The following FAR2 variants were observed in gnomAD, a reference collection of about 807,000 sequenced individuals.
FAR2 encodes the protein fatty acyl-CoA reductase 2.
FAR2 carries 19 observed loss-of-function variants against 56.0 expected under a neutral mutation model. That is an observed-to-expected ratio of 0.34 (90% confidence interval 0.24 to 0.50). The LOEUF (loss-of-function observed/expected upper bound fraction) is 0.50. Among genes scored for constraint, FAR2 ranks in the 20% least tolerant of loss-of-function variants. The pLI is 0.98. For missense variants in FAR2, 508 were observed against 642.2 expected (o/e 0.79, Z 2.26); for synonymous variants, 219 against 218.8 (o/e 1.00, Z -0.01).
chr12:29,251,338 C>G (rs1676195666), intron 1 of FAR2, among the ~76,000 whole-genome samples: 2 of 152,188 alleles, frequency 1.3e-5, no homozygotes, highest in Admixed American at 6.5e-5. Context: ...TTCTCCCAGA[C>G]TTCCCCAAAG....
At chr12:29,322,935 C>T (rs1008199609) in intron 10 of FAR2, among the ~76,000 whole-genome samples, 1 of 152,202 alleles carries the variant, frequency 6.6e-6, no homozygotes, top group Non-Finnish European at 1.5e-5. Flanking sequence ...GCACTTCACC[C>T]ACTGTCCTGC....
chr12:29,191,582 G>C (rs766330640), intron 1 of FAR2, among the ~76,000 whole-genome samples: 1 of 152,188 alleles, frequency 6.6e-6, no homozygotes, highest in Non-Finnish European at 1.5e-5. Context: ...ACTTGTACTT[G>C]ACAGAAACAC....
chr12:29,307,412 C>CCTAT (rs1949269498), intron 4 of FAR2, among the ~76,000 whole-genome samples: 1 of 112,012 alleles, frequency 8.9e-6, no homozygotes, highest in Non-Finnish European at 2.0e-5. Context: ...TGCCTGCCTA[C>CCTAT]CTACCTACCT....
At chr12:29,301,067 A>G (rs1949156169) in intron 4 of FAR2, among the ~76,000 whole-genome samples, 1 of 152,170 alleles carries the variant, frequency 6.6e-6, no homozygotes, top group Non-Finnish European at 1.5e-5. Flanking sequence ...TGAGACTGTC[A>G]GGCCTGAGCT....
intron 4 of FAR2, among the ~76,000 whole-genome samples, chr12:29,301,479 C>A (rs543709453): frequency 6.6e-6 from 1 of 152,276 alleles, no homozygotes; most frequent in South Asian, 2.1e-4. Context: ...TTAAAATGCA[C>A]ATAACTGACC....
chr12:29,214,381 A>G (rs1310689685), intron 1 of FAR2, among the ~76,000 whole-genome samples: 1 of 152,234 alleles, frequency 6.6e-6, no homozygotes, highest in East Asian at 1.9e-4. Context: ...TGTGCCAGAA[A>G]GTGTTCTAAT....
At chr12:29,293,077 G>A (rs1466850989) in intron 2 of FAR2, 2 of 357,346 alleles carry the variant, frequency 5.6e-6, no homozygotes, top group East Asian at 4.8e-5. Context: ...ATGTTGCGCA[G>A]GCTGGTGTCG....
At chr12:29,313,641 G>A (rs1218798456) in intron 8 of FAR2, among the ~76,000 whole-genome samples, 3 of 151,964 alleles carry the variant, frequency 2.0e-5, no homozygotes, top group Non-Finnish European at 1.5e-5. Flanking sequence ...ATCAGTTTTA[G>A]TAAATTATAT....
intron 2 of FAR2, among the ~76,000 whole-genome samples, chr12:29,290,614 A>G (rs1196770243): frequency 6.6e-6 from 1 of 152,236 alleles, no homozygotes; most frequent in Non-Finnish European, 1.5e-5. Flanking sequence ...GTCCATCAAT[A>G]GATGAATGGA....
intron 1 of FAR2, among the ~76,000 whole-genome samples, chr12:29,247,572 AT>A (rs1167326264): frequency 5.9e-5 from 9 of 152,184 alleles, no homozygotes; most frequent in African/African-American, 2.2e-4. Flanking sequence ...CATTTAAACT[AT>A]TTTGTTTCCA....
chr12:29,262,562 A>G (rs7302399), intron 1 of FAR2, among the ~76,000 whole-genome samples: 85,379 of 152,158 alleles, frequency 0.56, 24,526 homozygotes, highest in African/African-American at 0.67. Flanking sequence ...CCCGGGAAGC[A>G]GAGGTTGTGG....
chr12:29,263,972 C>T (rs1226338421), intron 1 of FAR2, among the ~76,000 whole-genome samples: 1 of 151,932 alleles, frequency 6.6e-6, no homozygotes, highest in Non-Finnish European at 1.5e-5. Context: ...ACCAGTATTA[C>T]CCTGATACCA....
chr12:29,311,845 T>G (rs766901207), intron 7 of FAR2, 38 bp from the exon 8 acceptor site: 7 of 1,405,446 alleles, frequency 5.0e-6, no homozygotes, highest in Non-Finnish European at 6.0e-6. Context: ...TAGTTTTCTA[T>G]TTTGTTGTAC....
At chr12:29,208,948 C>T (rs763509226) in intron 1 of FAR2, among the ~76,000 whole-genome samples, 3 of 151,982 alleles carry the variant, frequency 2.0e-5, no homozygotes, top group Non-Finnish European at 4.4e-5. Context: ...GTGAGGAAAC[C>T]AACCTGCTTT....
intron 1 of FAR2, among the ~76,000 whole-genome samples, chr12:29,221,887 A>C (rs1028419523): frequency 6.6e-6 from 1 of 152,024 alleles, no homozygotes; most frequent in Admixed American, 6.6e-5. Flanking sequence ...TCGCTCTGTC[A>C]CCCAGACTGG....
chr12:29,152,853 T>C (rs1178925599), intron 1 of FAR2, among the ~76,000 whole-genome samples: 1 of 152,156 alleles, frequency 6.6e-6, no homozygotes, highest in Non-Finnish European at 1.5e-5. Context: ...GAGGGAAGCA[T>C]AAGAGGAAAG....
intron 1 of FAR2, among the ~76,000 whole-genome samples, chr12:29,172,430 C>A (rs1274396083): frequency 2.0e-5 from 3 of 152,188 alleles, no homozygotes; most frequent in Admixed American, 6.5e-5. Context: ...TGATAACAAG[C>A]CCTACCCGGT....
chr12:29,195,767 T>C (rs1005897641), intron 1 of FAR2, among the ~76,000 whole-genome samples: 1 of 152,160 alleles, frequency 6.6e-6, no homozygotes, highest in Non-Finnish European at 1.5e-5. Context: ...CATGGATATA[T>C]TGCATAGCAG....
At chr12:29,243,957 G>C (rs1948082973) in intron 1 of FAR2, among the ~76,000 whole-genome samples, 1 of 152,108 alleles carries the variant, frequency 6.6e-6, no homozygotes, top group African/African-American at 2.4e-5. Flanking sequence ...AGTATCCCCA[G>C]CATGTAGCAC....
Sources: gnomAD v4.1 joint callset for allele counts (sites outside exome capture counted in the v4.1 genomes callset) on GRCh38, gnomAD v4.1.1 for gene constraint, MANE v1.5 for transcripts, NCBI Gene and HGNC (gene_info 2026-07-23, HGNC 2026-07-21) for gene names.